The following CACNA1C variants were observed in gnomAD, a reference collection of about 807,000 sequenced individuals.
CACNA1C encodes the protein voltage-dependent L-type calcium channel subunit alpha-1C.
A neutral mutation model predicts 229.0 loss-of-function variants in CACNA1C; 30 were observed. The observed-to-expected ratio is 0.13, with a 90% CI of 0.10 to 0.18. The LOEUF is 0.18. Ranked by LOEUF, CACNA1C falls within the 10% of genes least tolerant of loss-of-function variation. The probability of loss-of-function intolerance (pLI) is 1.00; values close to 1 mark genes in which losing one functional copy is unlikely to be tolerated. For synonymous variants in CACNA1C, 1,114 were observed against 1,132.5 expected, an observed-to-expected ratio of 0.98 and a Z score of 0.33; for missense variants, 1,658 against 2,845.0, an observed-to-expected ratio of 0.58 and a Z score of 9.49.
chr12:2,179,545 A>G (rs918610021), intron 3 of CACNA1C, among the ~76,000 whole-genome samples: 1 of 152,188 alleles, frequency 6.6e-6, no homozygotes, highest in Non-Finnish European at 1.5e-5. Context: ...TGAATACTGA[A>G]CATTGACCCA....
At chr12:2,185,835 C>T (rs2096981884) in intron 3 of CACNA1C, among the ~76,000 whole-genome samples, 1 of 152,208 alleles carries the variant, frequency 6.6e-6, no homozygotes, top group Non-Finnish European at 1.5e-5. Flanking sequence ...ACTCACCCTT[C>T]CTCCTGCACC....
At chr12:2,396,335 A>C (rs189341031) in intron 3 of CACNA1C, among the ~76,000 whole-genome samples, 2 of 152,288 alleles carry the variant, frequency 1.3e-5, no homozygotes, top group East Asian at 3.9e-4. Flanking sequence ...TGCATGCAAC[A>C]CTAGCAAAGC....
chr12:2,193,873 G>C (rs1174187334), intron 3 of CACNA1C, among the ~76,000 whole-genome samples: 1 of 152,158 alleles, frequency 6.6e-6, no homozygotes, highest in Non-Finnish European at 1.5e-5. Flanking sequence ...CTCTTCCCTA[G>C]GACGTCTGTC....
chr12:2,075,084 G>A (rs2062708866), intron 1 of CACNA1C, among the ~76,000 whole-genome samples: 1 of 152,178 alleles, frequency 6.6e-6, no homozygotes, highest in African/African-American at 2.4e-5. Context: ...CATTCCTTCA[G>A]TTATAAACAG....
At chr12:2,256,074 C>G (rs552598973) in intron 3 of CACNA1C, among the ~76,000 whole-genome samples, 157 of 150,376 alleles carry the variant, frequency 1.0e-3, no homozygotes, top group African/African-American at 3.9e-3. Context: ...CCTGACCTTA[C>G]TAGTTTACAA....
intron 3 of CACNA1C, among the ~76,000 whole-genome samples, chr12:2,335,360 C>G (rs2096660774): frequency 6.6e-6 from 1 of 152,070 alleles, no homozygotes; most frequent in Non-Finnish European, 1.5e-5. Context: ...TTTACGATGT[C>G]AAGAGCCATT....
intron 3 of CACNA1C, among the ~76,000 whole-genome samples, chr12:2,224,272 G>A (rs1205181739): frequency 6.6e-6 from 1 of 152,214 alleles, no homozygotes; most frequent in African/African-American, 2.4e-5. Flanking sequence ...GCCTACAAGA[G>A]AAAGTATGAT....
At chr12:2,012,411 G>A (rs2044601025) in intron 1 of CACNA1C, among the ~76,000 whole-genome samples, 1 of 152,214 alleles carries the variant, frequency 6.6e-6, no homozygotes, top group African/African-American at 2.4e-5. Flanking sequence ...GTCTATGGCT[G>A]TTTGCACCTT....
intron 1 of CACNA1C, among the ~76,000 whole-genome samples, chr12:2,010,566 C>G (rs1009949965): frequency 6.6e-6 from 1 of 152,110 alleles, no homozygotes; most frequent in East Asian, 1.9e-4. Context: ...TTGAATTGAC[C>G]ACTCTCTTTG....
intron 6 of CACNA1C, among the ~76,000 whole-genome samples, chr12:2,492,890 A>G (rs970216051): frequency 6.6e-6 from 1 of 152,248 alleles, no homozygotes; most frequent in Non-Finnish European, 1.5e-5. Context: ...TGAGGCTGAC[A>G]TGTTGCAGCA....
At chr12:2,206,931 A>G (rs567927543) in intron 3 of CACNA1C, among the ~76,000 whole-genome samples, 1 of 152,202 alleles carries the variant, frequency 6.6e-6, no homozygotes, top group African/African-American at 2.4e-5. Flanking sequence ...GCTGCTGTTT[A>G]TATAGGAAAT....
intron 3 of CACNA1C, among the ~76,000 whole-genome samples, chr12:2,313,878 C>T (rs571011774): frequency 1.3e-5 from 2 of 152,312 alleles, no homozygotes; most frequent in East Asian, 1.9e-4. Flanking sequence ...TGATCTATCG[C>T]CTCCCTGTCT....
chr12:2,004,225 C>G, intron 1 of CACNA1C: 1 of 1,598,870 alleles, frequency 6.3e-7, no homozygotes, highest in Non-Finnish European at 8.5e-7. Context: ...CTGAGTCTGA[C>G]GCCCCCCGCC....
chr12:2,458,676 G>A (rs1019120543), intron 5 of CACNA1C, among the ~76,000 whole-genome samples: 4 of 152,166 alleles, frequency 2.6e-5, no homozygotes, highest in African/African-American at 9.7e-5. Flanking sequence ...GAGGACCTCC[G>A]AATGCACAGC....
chr12:2,102,912 A>T (rs1397072935), intron 1 of CACNA1C, among the ~76,000 whole-genome samples: 1 of 152,070 alleles, frequency 6.6e-6, no homozygotes, highest in African/African-American at 2.4e-5. Context: ...AAGGACATGA[A>T]CTCATCCTTT....
Position 2,647,209 on chromosome 12 carries a change from A to C in CACNA1C, c.3913-1266A>C, listed in dbSNP as rs1049376869. ...ACAGAAATACAAGAGCAACCATCTG[A>C]AAGTGGAGAGTAAAAGCCAAGTCCT... On this transcript the variant is annotated intron_variant, in intron 30 of 46. Coordinates refer to ENST00000399655, the MANE Select transcript of CACNA1C (RefSeq NM_000719.7). This position sits in a 1 kb window ranked among gnomAD's most constrained non-coding sequence, Gnocchi z 4.2. Among the ~76,000 whole-genome samples the C allele has an allele frequency of 1.3e-5, 2 of 152,352 alleles. No individual in the cohort carries two copies. Among genetic ancestry groups the C allele is most frequent in the Middle Eastern group, 3.4e-3 (1 of 294 alleles).
chr12:2,018,024 ACACAGGAAAACAGGC>A (rs1410080602), intron 1 of CACNA1C, among the ~76,000 whole-genome samples: 2 of 152,228 alleles, frequency 1.3e-5, no homozygotes, highest in African/African-American at 4.8e-5. Context: ...AGCTCAAGGG[ACACAGGAAAACAGGC>A]CACAGGCCAG....
At chr12:2,461,833 C>T (rs933758456) in intron 5 of CACNA1C, among the ~76,000 whole-genome samples, 11 of 152,318 alleles carry the variant, frequency 7.2e-5, no homozygotes, top group South Asian at 4.1e-4. Flanking sequence ...CTCAGCTCAG[C>T]GCTGGCCGCC....
chr12:2,435,755 C>T (rs1267406101), intron 3 of CACNA1C, among the ~76,000 whole-genome samples: 5 of 152,224 alleles, frequency 3.3e-5, no homozygotes, highest in African/African-American at 4.8e-5. Flanking sequence ...GCCTCTAGTG[C>T]CCGGCACTAT....
Sources: allele counts gnomAD v4.1 joint callset (sites outside exome capture counted in the v4.1 genomes callset), GRCh38; gene constraint gnomAD v4.1.1; non-coding constraint Gnocchi (gnomAD v3.1); transcripts MANE v1.5; gene names NCBI Gene and HGNC (gene_info 2026-07-23, HGNC 2026-07-21).